PHACTR1: variants seen among roughly 807,000 people sequenced by gnomAD.
PHACTR1 encodes the protein phosphatase and actin regulator 1.
PHACTR1 carries 16 observed loss-of-function variants against 69.2 expected under a neutral mutation model. The ratio of observed to expected loss-of-function variants is 0.23; its 90% CI spans 0.16 to 0.35. PHACTR1 has a LOEUF of 0.35. Ranked by LOEUF, PHACTR1 falls within the 10% of genes least tolerant of loss-of-function variation. The pLI, the probability that PHACTR1 is intolerant of heterozygous loss-of-function variation, is 1.00. For synonymous variants in PHACTR1, 312 were observed against 284.5 expected (o/e 1.10, Z -0.97); for missense variants, 510 against 734.7 (o/e 0.69, Z 3.54).
chr6:12,867,456 T>G (rs1781572281), intron 4 of PHACTR1, among the ~76,000 whole-genome samples: 1 of 152,234 alleles, frequency 6.6e-6, no homozygotes, highest in Admixed American at 6.5e-5. Flanking sequence ...ATTCCTTTAT[T>G]AGTAACCATA....
chr6:13,104,345 T>C (rs1255912349), intron 5 of PHACTR1, among the ~76,000 whole-genome samples: 3 of 152,200 alleles, frequency 2.0e-5, no homozygotes, highest in Non-Finnish European at 2.9e-5. Context: ...TGGTGAAATA[T>C]ATACGCAAGA....
chr6:12,738,844 G>A (rs1170599696), intron 3 of PHACTR1, among the ~76,000 whole-genome samples: 2 of 152,108 alleles, frequency 1.3e-5, no homozygotes, highest in African/African-American at 2.4e-5. Flanking sequence ...CAGCCTGGGC[G>A]ACAAGAGTGA....
intron 4 of PHACTR1, among the ~76,000 whole-genome samples, chr6:12,885,585 A>C (rs1783558873): frequency 1.3e-5 from 2 of 152,256 alleles, no homozygotes; most frequent in Non-Finnish European, 2.9e-5. Context: ...CCGTCCCCTT[A>C]CAGGGTTTGT....
rs530993026 is a variant in PHACTR1 at position 12,983,192 on chromosome 6, A to G, written c.251-70173A>G. On this transcript the variant is annotated intron_variant, in intron 4 of 14. Transcript: ENST00000332995. ...CTGTGGATAGCACTGAAAATACAAA[A>G]AGAAAGCCTAGTTTCTATTCTCAAA... Among the ~76,000 whole-genome samples, 4 of 152,366 alleles carry G rather than the reference A, an allele frequency of 2.6e-5. No homozygotes were observed. The East Asian group carries it at 7.7e-4, about 29-fold the overall frequency.
In PHACTR1 at chr6:13,283,459, G is replaced by A; in HGVS notation, c.1547G>A (p.Arg516Lys). The A allele has an allele frequency of 6.2e-7, 1 of 1,613,874 alleles. No individual in the cohort carries two copies. Among genetic ancestry groups the A allele is most frequent in the Non-Finnish European group, 8.5e-7 (1 of 1,179,822 alleles). Residue 516 changes from arginine to lysine, a missense_variant, in exon 13 of 15, where the codon AGA becomes AAA. Coordinates refer to ENST00000332995, the MANE Select transcript of PHACTR1 (RefSeq NM_030948.6). This position sits in a 1 kb window ranked among gnomAD's most constrained non-coding sequence, Gnocchi z 4.7. ...QRPTVEELRE[R>K]KILIRFSDYV... ...CCCACGGTGGAAGAGCTTCGGGAAA[G>A]AAAGATCCTCATCCGCTTCAGTGAC...
intron 5 of PHACTR1, among the ~76,000 whole-genome samples, chr6:13,059,217 C>T (rs143726201): frequency 2.6e-5 from 4 of 151,956 alleles, no homozygotes; most frequent in East Asian, 1.9e-4. Context: ...TGAAACATAC[C>T]GGGTACAGAT....
At chr6:13,281,903 G>C (rs1463664646) in intron 12 of PHACTR1, among the ~76,000 whole-genome samples, 1 of 152,234 alleles carries the variant, frequency 6.6e-6, no homozygotes, top group Non-Finnish European at 1.5e-5. Flanking sequence ...GTCTAGGCAG[G>C]GGGGCCGGCA....
intron 4 of PHACTR1, among the ~76,000 whole-genome samples, chr6:12,864,623 T>C (rs1297331374): frequency 1.3e-5 from 2 of 150,394 alleles, no homozygotes; most frequent in Non-Finnish European, 3.0e-5. Flanking sequence ...AAGCTTGCAG[T>C]GAGCTGAGAT....
chr6:13,160,311 G>T, intron 6 of PHACTR1, 27 bp downstream of exon 6: 2 of 1,588,024 alleles, frequency 1.3e-6, no homozygotes, highest in South Asian at 1.1e-5. Context: ...TGTCATCCCC[G>T]GGTCAAAGAG....
At chr6:13,064,945 G>A (rs1221655255) in intron 5 of PHACTR1, among the ~76,000 whole-genome samples, 4 of 151,932 alleles carry the variant, frequency 2.6e-5, no homozygotes, top group Admixed American at 6.6e-5. Flanking sequence ...CATCTGTTCC[G>A]GGACTTGGTG....
intron 7 of PHACTR1, among the ~76,000 whole-genome samples, chr6:13,202,948 G>T (rs1391222572): frequency 6.6e-6 from 1 of 152,248 alleles, no homozygotes; most frequent in African/African-American, 2.4e-5. Flanking sequence ...AACAGGACAA[G>T]CCCTCAGGAA....
At chr6:13,262,917 A>G (rs1195804312) in intron 10 of PHACTR1, among the ~76,000 whole-genome samples, 1 of 152,232 alleles carries the variant, frequency 6.6e-6, no homozygotes, top group African/African-American at 2.4e-5. Flanking sequence ...ATGCAGATAC[A>G]GTTTCAGAGA....
At chr6:13,174,029 AT>A (rs149463821) in intron 6 of PHACTR1, among the ~76,000 whole-genome samples, 6,267 of 150,824 alleles carry the variant, frequency 0.042, 280 homozygotes, top group African/African-American at 0.11. Context: ...TAATGAGTGG[AT>A]TTTTTTTTTC....
chr6:12,757,502 C>G (rs1198139292), intron 4 of PHACTR1, among the ~76,000 whole-genome samples: 1 of 152,104 alleles, frequency 6.6e-6, no homozygotes, highest in Non-Finnish European at 1.5e-5. Context: ...GAGTTCAGAA[C>G]AGACTAGAGA....
At chr6:13,094,832 T>C (rs1813901058) in intron 5 of PHACTR1, among the ~76,000 whole-genome samples, 1 of 152,230 alleles carries the variant, frequency 6.6e-6, no homozygotes, top group Admixed American at 6.5e-5. Context: ...CAACATTATT[T>C]AATCACTCAC....
chr6:12,749,815 C>T, intron 4 of PHACTR1, 25 bp downstream of exon 4: 4 of 1,542,780 alleles, frequency 2.6e-6, no homozygotes, highest in Non-Finnish European at 3.5e-6. Flanking sequence ...GGCGCCGCGC[C>T]CCCGCCCCCG....
intron 4 of PHACTR1, among the ~76,000 whole-genome samples, chr6:12,904,552 T>C: frequency 6.9e-6 from 1 of 145,574 alleles, no homozygotes; most frequent in Non-Finnish European, 1.5e-5. Context: ...AAAAAAAAAG[T>C]GAAGAAAGAA....
At chr6:12,821,605 A>G (rs1183267559) in intron 4 of PHACTR1, among the ~76,000 whole-genome samples, 1 of 152,096 alleles carries the variant, frequency 6.6e-6, no homozygotes, top group East Asian at 1.9e-4. Context: ...GTAGTCAGTC[A>G]TTTAGTCTTT....
At chr6:13,165,113 A>G (rs1163187666) in intron 6 of PHACTR1, among the ~76,000 whole-genome samples, 1 of 152,204 alleles carries the variant, frequency 6.6e-6, no homozygotes, top group Admixed American at 6.5e-5. Flanking sequence ...GGAAATTTTA[A>G]ATTATGTTAG....
Sources: allele counts gnomAD v4.1 joint callset (sites outside exome capture counted in the v4.1 genomes callset), GRCh38; gene constraint gnomAD v4.1.1; non-coding constraint Gnocchi (gnomAD v3.1); transcripts MANE v1.5; gene names NCBI Gene and HGNC (gene_info 2026-07-23, HGNC 2026-07-21).